Variants in BBS9 observed in about 807,000 individuals in gnomAD.
BBS9 encodes Bardet-Biedl syndrome 9.
Under a neutral mutation model 117.7 loss-of-function variants are expected in BBS9, and 89 were observed. The observed-to-expected ratio is 0.76, with a 90% CI of 0.64 to 0.90. BBS9 has a LOEUF of 0.90. Ranked by LOEUF, BBS9 falls within the 40% of genes least tolerant of loss-of-function variation. The pLI is 0.00. For synonymous variants in BBS9, 379 were observed against 370.9 expected (o/e 1.02, Z -0.25); for missense variants, 982 against 1,042.2 (o/e 0.94, Z 0.80).
At chr7:33,334,030 T>G (rs1271042190) in intron 9 of BBS9, among the ~76,000 whole-genome samples, 1 of 152,234 alleles carries the variant, frequency 6.6e-6, no homozygotes, top group Non-Finnish European at 1.5e-5. Flanking sequence ...CCCTGGCTAC[T>G]CTCTTTACCA....
At chr7:33,411,508 A>G (rs1276499610) in intron 19 of BBS9, among the ~76,000 whole-genome samples, 1 of 152,182 alleles carries the variant, frequency 6.6e-6, no homozygotes. Flanking sequence ...CTATACATGT[A>G]AATTTAAACT....
chr7:33,172,250 G>A (rs182277128), intron 4 of BBS9, among the ~76,000 whole-genome samples: 4 of 152,052 alleles, frequency 2.6e-5, no homozygotes, highest in East Asian at 1.9e-4. Context: ...ACATGGTGGC[G>A]GGCGCCTGTA....
At chr7:33,177,618 C>G (rs1797519774) in intron 5 of BBS9, 27 bp downstream of exon 5, 1 of 1,415,250 alleles carries the variant, frequency 7.1e-7, no homozygotes, top group Non-Finnish European at 1.0e-6. Flanking sequence ...CATGAGTATG[C>G]TATTTCAAGT....
chr7:33,165,140 A>T (rs1198003099), intron 4 of BBS9, among the ~76,000 whole-genome samples: 1 of 152,116 alleles, frequency 6.6e-6, no homozygotes. Flanking sequence ...TTTCTTTAAG[A>T]ATGTTGAATA....
At chr7:33,274,147 T>C (rs1385037109) in intron 9 of BBS9, among the ~76,000 whole-genome samples, 191 bp downstream of exon 9, 1 of 152,216 alleles carries the variant, frequency 6.6e-6, no homozygotes, top group Non-Finnish European at 1.5e-5. Context: ...CTATTAATCA[T>C]TTTCATTTAA....
At chr7:33,616,284 A>T (rs1307774070) in intron 21 of BBS9, among the ~76,000 whole-genome samples, 1 of 150,976 alleles carries the variant, frequency 6.6e-6, no homozygotes, top group East Asian at 1.9e-4. Flanking sequence ...ACGTAGTGAA[A>T]TGAATGACAA....
intron 16 of BBS9, among the ~76,000 whole-genome samples, chr7:33,364,227 C>T (rs188464167): frequency 0.012 from 375 of 32,180 alleles, 119 homozygotes; most frequent in East Asian, 0.085. Context: ...GGATTACAGG[C>T]GTGAGCCACC....
chr7:33,383,142 A>C (rs1263810279), intron 17 of BBS9, among the ~76,000 whole-genome samples: 1 of 152,206 alleles, frequency 6.6e-6, no homozygotes, highest in African/African-American at 2.4e-5. Context: ...CAAGATTTAT[A>C]TTTAGAAAAG....
intron 19 of BBS9, among the ~76,000 whole-genome samples, chr7:33,488,710 A>G (rs1843451434): frequency 6.6e-6 from 1 of 152,224 alleles, no homozygotes; most frequent in Admixed American, 6.5e-5. Flanking sequence ...ATGTAATCTA[A>G]GGAAAAGAGA....
At chr7:33,131,508 G>A (rs1321799302) in intron 1 of BBS9, among the ~76,000 whole-genome samples, 1 of 152,124 alleles carries the variant, frequency 6.6e-6, no homozygotes, top group Non-Finnish European at 1.5e-5. Flanking sequence ...ACATGCATTT[G>A]TCATCTTTCT....
At chr7:33,546,256 A>T (rs903085976) in intron 21 of BBS9, among the ~76,000 whole-genome samples, 1 of 152,220 alleles carries the variant, frequency 6.6e-6, no homozygotes, top group South Asian at 2.1e-4. Flanking sequence ...TTAAACTTTC[A>T]TTAGGTTATT....
At chr7:33,527,988 C>G (rs1014575387) in intron 20 of BBS9, among the ~76,000 whole-genome samples, 1 of 152,030 alleles carries the variant, frequency 6.6e-6, no homozygotes, top group Non-Finnish European at 1.5e-5. Context: ...ACCCATTATA[C>G]GATTAGCTTT....
At chr7:33,270,206 C>G (rs1289191428) in intron 7 of BBS9, among the ~76,000 whole-genome samples, 1 of 152,040 alleles carries the variant, frequency 6.6e-6, no homozygotes, top group Admixed American at 6.6e-5. Context: ...AAGAAGTCTA[C>G]TGACTATACT....
At position 33,613,939 on chromosome 7, in the gene BBS9, C is replaced by T. The variant is rs551770380; in HGVS notation, c.2522-21238C>T. ...ATGTCCTAATTTAAGAAAGAACAACCATACACTCTGTTTCTGCATGGCAGG... is the reference window on the plus strand; with the variant it reads ...ATGTCCTAATTTAAGAAAGAACAACTATACACTCTGTTTCTGCATGGCAGG... On this transcript the variant is annotated intron_variant, in intron 21 of 21. Coordinates refer to the BBS9 transcript ENST00000671952. 1.1e-4 allele frequency among the ~76,000 whole-genome samples: 16 copies of T among 152,148 alleles called. No individual in the cohort carries two copies. In the South Asian group the frequency reaches 3.1e-3, roughly 30 times the overall value.
In BBS9 at chr7:33,386,935, C is replaced by A. The variant is rs1218234753; in HGVS notation, c.1963-1057C>A. Reference sequence around the variant, plus strand: ...TTCTTGTATATCTTTCTAGAAATATCCTATGCAGTCACAACTATGTTAATA... The same window carrying A: ...TTCTTGTATATCTTTCTAGAAATATACTATGCAGTCACAACTATGTTAATA... On this transcript the variant is annotated intron_variant, in intron 18 of 22. Coordinates refer to ENST00000242067, the MANE Select transcript of BBS9 (RefSeq NM_198428.3). Among the ~76,000 whole-genome samples the A allele has an allele frequency of 2.0e-5, 3 of 152,124 alleles. No homozygotes were observed. In the South Asian group the frequency reaches 6.2e-4, roughly 32 times the overall value.
chr7:33,529,888 G>A lies in BBS9; in HGVS notation c.2299-4066G>A, dbSNP rs576782501. Among the ~76,000 whole-genome samples the A allele has an allele frequency of 8.7e-4, 132 of 152,252 alleles. 2 individuals carry two copies. Among genetic ancestry groups the A allele is most frequent in the African/African-American group, 2.9e-3 (121 of 41,554 alleles). On this transcript the variant is annotated intron_variant, in intron 20 of 22. Coordinates refer to ENST00000242067, the MANE Select transcript of BBS9 (RefSeq NM_198428.3). ...TTTAAAAGATAAAGGTTAGGTATGT[G>A]CATGTAGTATGTGTATGTATTTAGA...
Position 33,152,855 on chromosome 7 carries a change from A to G in BBS9, c.263+4A>G, listed in dbSNP as rs370916293. 3 of 1,613,920 alleles carry G rather than the reference A, an allele frequency of 1.9e-6. No individual in the cohort carries two copies. ...TGGAAGTAGGAAAGTTTGTTTCGTA[A>G]GTAAGCCCACTAATTCTGGTATTTT... On this transcript the variant is annotated splice_donor_region_variant and intron_variant, in intron 3 of 22. Transcript: ENST00000242067.
At chr7:33,518,509 A>G (rs1045698123) in intron 20 of BBS9, among the ~76,000 whole-genome samples, 3 of 151,858 alleles carry the variant, frequency 2.0e-5, no homozygotes, top group Non-Finnish European at 4.4e-5. Context: ...TCGGCCTCCC[A>G]AAGTGCTGGG....
At chr7:33,415,600 A>T (rs941975164) in intron 19 of BBS9, among the ~76,000 whole-genome samples, 36 of 152,200 alleles carry the variant, frequency 2.4e-4, no homozygotes, top group African/African-American at 8.4e-4. Context: ...GTTGACAGAG[A>T]TATCAAGAAG....
Sources: gnomAD v4.1 joint callset for allele counts (sites outside exome capture counted in the v4.1 genomes callset) on GRCh38, gnomAD v4.1.1 for gene constraint, MANE v1.5 for transcripts, NCBI Gene and HGNC (gene_info 2026-07-23, HGNC 2026-07-21) for gene names.